The following CENPK variants were observed in gnomAD, a reference collection of about 807,000 sequenced individuals.
CENPK encodes the protein SoxLZ/Sox6-binding protein Solt.
CENPK carries 46 observed loss-of-function variants against 40.9 expected under a neutral mutation model. That is an observed-to-expected ratio of 1.13 (90% confidence interval 0.89 to 1.44). The LOEUF (loss-of-function observed/expected upper bound fraction) is 1.44. Ranked by LOEUF, CENPK falls within the 40% of genes most tolerant of loss-of-function variation. The pLI, the probability that CENPK is intolerant of heterozygous loss-of-function variation, is 0.00. For missense variants in CENPK, 288 were observed against 303.5 expected (o/e 0.95, Z 0.38); for synonymous variants, 107 against 104.4 (o/e 1.02, Z -0.15).
At chr5:65,524,135 C>T (rs761148689) in intron 9 of CENPK, among the ~76,000 whole-genome samples, 2 of 151,668 alleles carry the variant, frequency 1.3e-5, no homozygotes, top group East Asian at 1.9e-4. Flanking sequence ...TAGCACTTTG[C>T]GAGGCCAAGG....
chr5:65,552,595 C>G, intron 3 of CENPK, 46 bp from the exon 4 acceptor site: 1 of 1,206,644 alleles, frequency 8.3e-7, no homozygotes, highest in Non-Finnish European at 1.2e-6. Flanking sequence ...CGATAATTCA[C>G]AGAAAATTCC....
chr5:65,533,350 A>AAAATAAAT (rs61642453), intron 6 of CENPK, among the ~76,000 whole-genome samples: 42 of 148,208 alleles, frequency 2.8e-4, no homozygotes, highest in East Asian at 6.0e-4. Context: ...ACCCTGTATC[A>AAAATAAAT]AAATAAATAA....
chr5:65,537,693 C>CT (rs1197337651), intron 6 of CENPK, among the ~76,000 whole-genome samples: 1 of 151,156 alleles, frequency 6.6e-6, no homozygotes, highest in Admixed American at 6.6e-5. Flanking sequence ...TTGTGGCGGG[C>CT]TTTTTTCATT....
downstream of CENPK, among the ~76,000 whole-genome samples, chr5:65,515,204 A>AATTTTT (rs35708852): frequency 6.4e-5 from 8 of 124,046 alleles, no homozygotes; most frequent in Admixed American, 9.1e-5. Flanking sequence ...TCTCAAAAAA[A>AATTTTT]TTTTTTTTTT....
chr5:65,504,457 C>CAAAAAA, the CENPK span, among the ~76,000 whole-genome samples: 1 of 100,052 alleles, frequency 1.0e-5, no homozygotes, highest in Non-Finnish European at 1.9e-5. Flanking sequence ...AATTCCGTAT[C>CAAAAAA]AAAAAAAAAA....
At chr5:65,508,115 T>G in the CENPK span, among the ~76,000 whole-genome samples, 1 of 152,242 alleles carries the variant, frequency 6.6e-6, no homozygotes, top group African/African-American at 2.4e-5. Context: ...CTGCTGGGTT[T>G]CTCCACTATA....
At chr5:65,526,435 T>A (rs1443615800) in intron 9 of CENPK, among the ~76,000 whole-genome samples, 1 of 152,072 alleles carries the variant, frequency 6.6e-6, no homozygotes, top group Non-Finnish European at 1.5e-5. Context: ...AAGGGAAGAA[T>A]AAAAAGAACA....
intron 6 of CENPK, among the ~76,000 whole-genome samples, chr5:65,531,745 G>A (rs1000397261): frequency 7.9e-5 from 12 of 151,984 alleles, no homozygotes; most frequent in Non-Finnish European, 1.8e-4. Context: ...CTCGTGATCT[G>A]CCCGCCTCAG....
intron 9 of CENPK, among the ~76,000 whole-genome samples, chr5:65,523,079 A>C (rs1358617722): frequency 1.3e-5 from 2 of 152,214 alleles, no homozygotes; most frequent in Admixed American, 1.3e-4. Flanking sequence ...TATTCTGTAC[A>C]TATGTAAATA....
chr5:65,514,964 A>G (rs1422534100), downstream of CENPK, among the ~76,000 whole-genome samples: 1 of 151,334 alleles, frequency 6.6e-6, no homozygotes, highest in Admixed American at 6.6e-5. Flanking sequence ...TGTTATGGTA[A>G]AAGTTTTATA....
At chr5:65,503,584 T>A in the CENPK span, among the ~76,000 whole-genome samples, 4 of 152,172 alleles carry the variant, frequency 2.6e-5, no homozygotes, top group Non-Finnish European at 5.9e-5. Context: ...ATAATTTAAA[T>A]TGGCACATTT....
intron 2 of CENPK, 185 bp from the exon 3 acceptor site, chr5:65,555,131 G>A: frequency 3.1e-6 from 1 of 321,194 alleles, no homozygotes; most frequent in Non-Finnish European, 5.5e-6. Flanking sequence ...ATATACTGTA[G>A]TATATCAAAT....
chr5:65,553,758 G>C (rs1750517909), intron 3 of CENPK, among the ~76,000 whole-genome samples: 1 of 152,052 alleles, frequency 6.6e-6, no homozygotes, highest in East Asian at 1.9e-4. Context: ...GCAATACTTA[G>C]GGCTTCCTTA....
rs2063760395 is a variant in CENPK, at chr5:65,552,040, G to A, written c.169-404C>T. 2.7e-5 allele frequency among the ~76,000 whole-genome samples: 4 copies of A among 150,782 alleles called. No individual in the cohort carries two copies. The South Asian group carries it at 8.4e-4, about 32-fold the overall frequency. Reference sequence around the variant, plus strand: ...AATGGCACAATCTCAGCTCACTGCGGCCTCCATCTACTGGGTTCAAGTGAT... The same window carrying A: ...AATGGCACAATCTCAGCTCACTGCGACCTCCATCTACTGGGTTCAAGTGAT... On this transcript the variant is annotated intron_variant, in intron 4 of 10. Coordinates refer to ENST00000396679, the MANE Select transcript of CENPK (RefSeq NM_022145.5).
the CENPK span, among the ~76,000 whole-genome samples, chr5:65,498,627 CTTTTT>C: frequency 7.4e-6 from 1 of 135,800 alleles, no homozygotes; most frequent in African/African-American, 2.9e-5. Context: ...CTTTCTTTTT[CTTTTT>C]TCTTTTTTTT....
intron 2 of CENPK, among the ~76,000 whole-genome samples, chr5:65,556,233 G>A (rs1292292098): frequency 6.6e-6 from 1 of 152,206 alleles, no homozygotes; most frequent in Non-Finnish European, 1.5e-5. Context: ...AACACTTTGG[G>A]AGGCCAAGGT....
At chr5:65,502,870 A>C in the CENPK span, among the ~76,000 whole-genome samples, 3 of 151,938 alleles carry the variant, frequency 2.0e-5, no homozygotes, top group East Asian at 5.8e-4. Flanking sequence ...CAGTGGTGCA[A>C]GCTCGGCTCA....
intron 6 of CENPK, among the ~76,000 whole-genome samples, chr5:65,533,965 G>A (rs1746375421): frequency 7.0e-6 from 1 of 142,892 alleles, no homozygotes; most frequent in Non-Finnish European, 1.5e-5. Flanking sequence ...GGAGAATGGC[G>A]TGAACCCGGG....
At chr5:65,521,635 T>C (rs1743772503) in intron 9 of CENPK, 107 bp from the exon 10 acceptor site, 1 of 798,792 alleles carries the variant, frequency 1.3e-6, no homozygotes, top group African/African-American at 1.8e-5. Context: ...AGTTTCATTC[T>C]TGGCGCCCAG....
Sources: allele counts gnomAD v4.1 joint callset (sites outside exome capture counted in the v4.1 genomes callset), GRCh38; gene constraint gnomAD v4.1.1; transcripts MANE v1.5; gene names NCBI Gene and HGNC (gene_info 2026-07-23, HGNC 2026-07-21).